CRACR2A: variants seen among roughly 807,000 people sequenced by gnomAD.
CRACR2A encodes the protein calcium release activated channel regulator 2A.
A neutral mutation model predicts 90.5 loss-of-function variants in CRACR2A; 79 were observed. The ratio of observed to expected loss-of-function variants is 0.87; its 90% CI spans 0.73 to 1.05. The LOEUF (loss-of-function observed/expected upper bound fraction) is 1.05, where lower values mean the gene tolerates loss of function less well. CRACR2A is among the 50% of genes least tolerant of loss of function. The pLI is 0.00. For missense variants in CRACR2A, 823 were observed against 897.2 expected (o/e 0.92, Z 1.06); for synonymous variants, 338 against 356.7 (o/e 0.95, Z 0.59).
rs558377948 is a variant in CRACR2A at position 3,618,346 on chromosome 12, G to T, written c.2034+925C>A. Among the ~76,000 whole-genome samples the T allele has an allele frequency of 1.1e-4, 17 of 152,258 alleles. No homozygotes were observed. The South Asian group carries it at 3.5e-3, about 32-fold the overall frequency. ...AATCAAATATATTACTATTTCTTCA[G>T]TGAAACCTTTGACTATTCACTCAAA... On this transcript the variant is annotated intron_variant, in intron 18 of 19. Coordinates refer to ENST00000440314, the MANE Select transcript of CRACR2A (RefSeq NM_001144958.2).
chr12:3,696,933 G>T lies in CRACR2A; in HGVS notation c.67C>A (p.Pro23Thr). 2 of 1,614,148 alleles carry T rather than the reference G, an allele frequency of 1.2e-6. No individual in the cohort carries two copies. Among genetic ancestry groups the T allele is most frequent in the Non-Finnish European group, 1.7e-6 (2 of 1,180,020 alleles). The change falls in exon 4 of 20, where the codon CCA becomes ACA. Residue 23 changes from proline (P) to threonine (T), a missense_variant. Transcript: ENST00000440314. ...TGCAGGCAGGCTCCACTCCCCTTTG[G>T]CCCCTGGCCAGACCCCTGACCAAGT... ...QRLGQGSGQG[P>T]KGSGACLHPL...
intron 7 of CRACR2A, among the ~76,000 whole-genome samples, chr12:3,671,131 G>A (rs242038): frequency 6.6e-6 from 1 of 152,180 alleles, no homozygotes; most frequent in African/African-American, 2.4e-5. Flanking sequence ...CAGCAAGTCA[G>A]GGGTACTTGT....
intron 3 of CRACR2A, among the ~76,000 whole-genome samples, chr12:3,702,538 C>A (rs553907877): frequency 6.6e-6 from 1 of 152,190 alleles, no homozygotes; most frequent in Non-Finnish European, 1.5e-5. Context: ...ATAAAAATAT[C>A]ATTTGCAATT....
chr12:3,633,939 G>A lies in CRACR2A; in HGVS notation c.1603-203C>T, dbSNP rs1371104897. Among the ~76,000 whole-genome samples, 1 of 152,186 alleles carries A rather than the reference G, an allele frequency of 6.6e-6. No individual in the cohort carries two copies. Among genetic ancestry groups the A allele is most frequent in the African/African-American group, 2.4e-5 (1 of 41,456 alleles). On this transcript the variant is annotated intron_variant, in intron 14 of 19. Coordinates refer to ENST00000440314, the MANE Select transcript of CRACR2A (RefSeq NM_001144958.2). The surrounding 1 kb of genome is among the most constrained non-coding windows in gnomAD (Gnocchi z 4.5). ...GGCATGGAGGCTTTTTCCAGCATCC[G>A]CAGGAGGAAGGAGAAACAGCCACCC... is the stretch of plus-strand genomic sequence containing the variant.
intron 14 of CRACR2A, among the ~76,000 whole-genome samples, chr12:3,635,503 T>C (rs545237468): frequency 1.3e-4 from 20 of 151,898 alleles, no homozygotes; most frequent in Non-Finnish European, 2.4e-4. Flanking sequence ...ACTATTCATA[T>C]CTTTTTATTT....
intron 13 of CRACR2A, chr12:3,640,682 C>T (rs1442802111): frequency 1.5e-6 from 2 of 1,305,294 alleles, no homozygotes; most frequent in East Asian, 5.5e-5. Context: ...AGAGTCACTT[C>T]CGCTTTGCAT....
At chr12:3,710,181 C>T (rs1418624037) in intron 3 of CRACR2A, among the ~76,000 whole-genome samples, 1 of 152,206 alleles carries the variant, frequency 6.6e-6, no homozygotes, top group African/African-American at 2.4e-5. Context: ...TCTTCTCCTA[C>T]CACGTTCACT....
At position 3,720,713 on chromosome 12, in the gene CRACR2A, C is replaced by T. The variant is rs564231691; in HGVS notation, c.-117-7396G>A. On this transcript the variant is annotated intron_variant, in intron 2 of 19. Transcript: ENST00000440314. The stretch of plus-strand genomic sequence containing the variant: ...TGGAAGAGAGCCTGTGTTATTCCCA[C>T]TTCCAATCCTCGCTCAAGAGCCTCT... 1.3e-4 allele frequency among the ~76,000 whole-genome samples: 20 copies of T among 152,340 alleles called. No homozygotes were observed. The East Asian group carries it at 3.7e-3, about 28-fold the overall frequency.
intron 1 of CRACR2A, among the ~76,000 whole-genome samples, chr12:3,747,240 G>T (rs964022715): frequency 3.9e-5 from 6 of 152,194 alleles, no homozygotes; most frequent in Non-Finnish European, 7.3e-5. Flanking sequence ...GAGGAAGATG[G>T]CTTCCTCATC....
intron 5 of CRACR2A, 71 bp from the exon 6 acceptor site, chr12:3,679,169 G>A: frequency 7.2e-7 from 1 of 1,395,526 alleles, no homozygotes; most frequent in Non-Finnish European, 9.6e-7. Context: ...TTTCTCACCT[G>A]CCAGGAATCA....
intron 7 of CRACR2A, among the ~76,000 whole-genome samples, chr12:3,660,308 A>G (rs1414953251): frequency 6.6e-6 from 1 of 152,174 alleles, no homozygotes; most frequent in Non-Finnish European, 1.5e-5. Flanking sequence ...TGCCTGTGCC[A>G]TCTCAGGCTC....
At position 3,654,213 on chromosome 12, in the gene CRACR2A, T is replaced by C. The variant is rs745323025; in HGVS notation, c.1045A>G (p.Met349Val). The C allele has an allele frequency of 1.9e-6, 3 of 1,611,172 alleles. No homozygotes were observed. The highest frequency in any genetic ancestry group is 2.5e-6 in the Non-Finnish European group (3 of 1,179,184). Reference protein sequence around the residue: ...EACKLHQEKEMEVYRVTESLQ... With the variant: ...EACKLHQEKEVEVYRVTESLQ... Reference sequence around the variant, plus strand: ...GGAGTGGACAAAGGCTGGACTCACATCTCCTTCTCTTGGTGGAGTTTGCAG... The same window carrying C: ...GGAGTGGACAAAGGCTGGACTCACACCTCCTTCTCTTGGTGGAGTTTGCAG... The change falls in exon 10 of 20, where the codon ATG becomes GTG. Residue 349 changes from methionine to valine, a missense_variant and splice_region_variant. By Grantham distance (21) the Met-to-Val change is conservative. Transcript: ENST00000440314.
intron 2 of CRACR2A, among the ~76,000 whole-genome samples, chr12:3,715,781 G>A (rs1946074475): frequency 6.6e-6 from 1 of 152,204 alleles, no homozygotes; most frequent in South Asian, 2.1e-4. Context: ...TTTAAGCAAT[G>A]ACAACAGCCA....
intron 15 of CRACR2A, among the ~76,000 whole-genome samples, chr12:3,631,099 A>G (rs1944368355): frequency 6.6e-6 from 1 of 152,156 alleles, no homozygotes; most frequent in Admixed American, 6.5e-5. Context: ...CTGGTGTGAC[A>G]TCTGCTTCCT....
intron 2 of CRACR2A, 73 bp from the exon 3 acceptor site, chr12:3,713,390 AT>A: frequency 8.4e-6 from 7 of 835,912 alleles, no homozygotes; most frequent in Non-Finnish European, 8.7e-6. Flanking sequence ...CTTTATAGCA[AT>A]TTTGGAAAAA....
intron 7 of CRACR2A, among the ~76,000 whole-genome samples, chr12:3,666,373 GCGCGCA>G (rs1945149693): frequency 1.3e-5 from 2 of 151,952 alleles, no homozygotes; most frequent in African/African-American, 2.4e-5. Context: ...GTGCGCGTGC[GCGCGCA>G]CGCGCGCACA....
rs1386867158 is a variant in CRACR2A at position 3,615,458 on chromosome 12, TC to T, written c.2112-20del. 7 of 1,541,734 alleles carry T rather than the reference TC, an allele frequency of 4.5e-6. No individual in the cohort carries two copies. The African/African-American group carries it at 8.2e-5, about 18-fold the overall frequency. ...GAGGAACCTGGGAGAGGGGAAGAGA[TC>T]GTGTCAGTGATGGAGAAGTTGATAG... On this transcript the variant is annotated intron_variant, in intron 19 of 19. Transcript: ENST00000440314.
chr12:3,740,207 A>G (rs758708922), intron 1 of CRACR2A, among the ~76,000 whole-genome samples: 12 of 152,042 alleles, frequency 7.9e-5, no homozygotes, highest in Non-Finnish European at 1.8e-4. Context: ...AGAGCCCCCC[A>G]GCTTCTTCCA....
At chr12:3,702,476 T>C (rs1193388418) in intron 3 of CRACR2A, among the ~76,000 whole-genome samples, 2 of 152,132 alleles carry the variant, frequency 1.3e-5, no homozygotes, top group South Asian at 2.1e-4. Flanking sequence ...ACACTCAGTA[T>C]ATGATAATCA....
Sources: allele counts gnomAD v4.1 joint callset (sites outside exome capture counted in the v4.1 genomes callset), GRCh38; gene constraint gnomAD v4.1.1; non-coding constraint Gnocchi (gnomAD v3.1); transcripts MANE v1.5; gene names NCBI Gene and HGNC (gene_info 2026-07-23, HGNC 2026-07-21).